Variants in FAM199X observed in about 807,000 individuals in gnomAD.
The protein encoded by FAM199X is protein FAM199X.
In FAM199X, 4 loss-of-function variants were observed where a neutral mutation model predicts 22.9. That is an observed-to-expected ratio of 0.17 (90% CI 0.09 to 0.40). The LOEUF (loss-of-function observed/expected upper bound fraction) is 0.40. Among genes scored for constraint, FAM199X ranks in the 10% least tolerant of loss-of-function variants. The probability of loss-of-function intolerance (pLI) is 1.00; values close to 1 mark genes in which losing one functional copy is unlikely to be tolerated. For synonymous variants in FAM199X, 101 were observed against 112.3 expected, an observed-to-expected ratio of 0.90 and a Z score of 0.64; for missense variants, 183 against 306.8, an observed-to-expected ratio of 0.60 and a Z score of 3.01.
rs1198868915 is a variant in FAM199X, at chrX:104,191,774, T to C, written c.*1996T>C. 8.9e-6 allele frequency: 1 copy of C among 111,835 alleles called. No homozygotes were observed. Among genetic ancestry groups the C allele is most frequent in the Non-Finnish European group, 1.9e-5 (1 of 53,049 alleles). 9.2% of individuals were successfully genotyped at this position (111,835 alleles called of 1,213,427 possible). A position where few individuals can be genotyped will look rare whatever the true frequency, so the allele number is the denominator to read the frequency against. On this transcript the variant is annotated 3_prime_UTR_variant, in exon 6 of 6. Coordinates refer to ENST00000493442, the MANE Select transcript of FAM199X (RefSeq NM_207318.4). ...TTGGAAACTATTTACTTAACGGTCA[T>C]CAGTAAAAAACCCTAAACAAGGTCA...
chrX:104,179,660 A>G (rs189944938), intron 2 of FAM199X, among the ~76,000 whole-genome samples: 1 of 111,683 alleles, frequency 9.0e-6, no homozygotes, highest in East Asian at 2.8e-4. Context: ...TGCCCTAGCT[A>G]GATCTCCTGT....
rs1341223831 is a variant in FAM199X at position 104,195,430 on chromosome X, G to C, written c.*5652G>C. Reference sequence around the variant, plus strand: ...CAAAACTTATTTTTTTTTCTGGACAGATCAGATTTCTAGAGAGAGCAGATT... The same window carrying C: ...CAAAACTTATTTTTTTTTCTGGACACATCAGATTTCTAGAGAGAGCAGATT... On this transcript the variant is annotated 3_prime_UTR_variant, in exon 6 of 6. Transcript: ENST00000493442. The C allele has an allele frequency of 9.0e-6, 1 of 111,367 alleles. No homozygotes were observed. The highest frequency in any genetic ancestry group is 3.3e-5 in the African/African-American group (1 of 30,666). 9.2% of individuals were successfully genotyped at this position (111,367 alleles called of 1,213,427 possible).
chrX:104,164,411 AAATACATGTCCT>A (rs1270660403), upstream of FAM199X, among the ~76,000 whole-genome samples: 9 of 112,253 alleles, frequency 8.0e-5, no homozygotes, highest in African/African-American at 2.6e-4. Context: ...AAATAAACTC[AAATACATGTCCT>A]AATCATGTGG....
At chrX:104,185,503 A>T (rs1315388569) in intron 2 of FAM199X, among the ~76,000 whole-genome samples, 1 of 112,398 alleles carries the variant, frequency 8.9e-6, no homozygotes, top group East Asian at 2.8e-4. Context: ...TTCATTGAAT[A>T]ACTATATGCA....
chrX:104,178,234 T>TCAGCTCA (rs1411507766), intron 2 of FAM199X, among the ~76,000 whole-genome samples: 9 of 110,834 alleles, frequency 8.1e-5, no homozygotes, highest in African/African-American at 3.0e-4. Context: ...TGACGCAATC[T>TCAGCTCA]CAGCTCACTG....
At chrX:104,158,391 A>G in the FAM199X span, among the ~76,000 whole-genome samples, 2 of 112,195 alleles carry the variant, frequency 1.8e-5, no homozygotes, top group Middle Eastern at 4.6e-3. Flanking sequence ...TTCCTATAGT[A>G]CTGAAGACCA....
chrX:104,185,032 TTGCAAAA>T (rs1921762880), intron 2 of FAM199X, among the ~76,000 whole-genome samples: 2 of 106,659 alleles, frequency 1.9e-5, no homozygotes, highest in Non-Finnish European at 3.9e-5. Flanking sequence ...CACCTCAGCC[TTGCAAAA>T]TGCTGGAATT....
Position 104,189,982 on chromosome X carries a change from G to A in FAM199X, c.*204G>A, listed in dbSNP as rs1014838072. The A allele has an allele frequency of 3.9e-5, 15 of 383,678 alleles. No homozygotes were observed. The highest frequency in any genetic ancestry group is 1.5e-4 in the South Asian group (3 of 19,903). The allele number at this position is 383,678 out of a possible 1,213,427, so 31.6% of individuals were successfully genotyped here. A position where few individuals can be genotyped will look rare whatever the true frequency, so the allele number is the denominator to read the frequency against. On this transcript the variant is annotated 3_prime_UTR_variant, in exon 6 of 6. Transcript: ENST00000493442. ...TTAGGAATGCATACTAGTGGGCCCCGCCCCCAGACATAGTGAATCAGAAAC... is the reference window on the plus strand; with the variant it reads ...TTAGGAATGCATACTAGTGGGCCCCACCCCCAGACATAGTGAATCAGAAAC...
rs1247032374 is a variant in FAM199X at position 104,195,263 on chromosome X, C to T, written c.*5485C>T. On this transcript the variant is annotated 3_prime_UTR_variant, in exon 6 of 6. Coordinates refer to ENST00000493442, the MANE Select transcript of FAM199X (RefSeq NM_207318.4). ...ACTCACTGCTGCTTACTACTTTATACTTCTGAGTCAGCTCCTTTCATGCTC... is the reference window on the plus strand; with the variant it reads ...ACTCACTGCTGCTTACTACTTTATATTTCTGAGTCAGCTCCTTTCATGCTC... 7 of 111,528 alleles carry T rather than the reference C, an allele frequency of 6.3e-5. No homozygotes were observed. Among genetic ancestry groups the T allele is most frequent in the African/African-American group, 2.3e-4 (7 of 30,777 alleles). 9.2% of individuals were successfully genotyped at this position (111,528 alleles called of 1,213,427 possible). A position where few individuals can be genotyped will look rare whatever the true frequency, so the allele number is the denominator to read the frequency against.
chrX:104,186,987 G>A (rs1921819919), intron 4 of FAM199X, among the ~76,000 whole-genome samples: 1 of 111,961 alleles, frequency 8.9e-6, no homozygotes, highest in Middle Eastern at 4.3e-3. Context: ...AAACAGCTGA[G>A]GGATTTGAGT....
chrX:104,171,547 A>G (rs1364451474), intron 1 of FAM199X, among the ~76,000 whole-genome samples: 3 of 112,307 alleles, frequency 2.7e-5, no homozygotes, highest in African/African-American at 9.7e-5. Flanking sequence ...ATTTTTATTT[A>G]AAAACTTATT....
chrX:104,179,802 G>T (rs1921597948), intron 2 of FAM199X, among the ~76,000 whole-genome samples: 1 of 110,453 alleles, frequency 9.1e-6, no homozygotes, highest in South Asian at 3.9e-4. Flanking sequence ...ATTCATAAGG[G>T]ATATTGGTCT....
At chrX:104,187,955 A>G in intron 4 of FAM199X, 85 bp from the exon 5 acceptor site, 1 of 1,079,281 alleles carries the variant, frequency 9.3e-7, no homozygotes. Context: ...CTTTTAGATT[A>G]AGTACAATAT....
rs1161508702 is a variant in FAM199X at position 104,193,104 on chromosome X, GTCAA to G, written c.*3328_*3331del. The G allele has an allele frequency of 5.4e-5, 6 of 111,102 alleles. No homozygotes were observed. Among genetic ancestry groups the G allele is most frequent in the Admixed American group, 4.8e-4 (5 of 10,377 alleles). 9.2% of individuals were successfully genotyped at this position (111,102 alleles called of 1,213,427 possible). A position where few individuals can be genotyped will look rare whatever the true frequency, so the allele number is the denominator to read the frequency against. The stretch of plus-strand genomic sequence containing the variant: ...TTAAAGGTGGTGAACTCTAGTTTTT[GTCAA>G]TATCAGGCTTTTCAAAACTCAAAAA... On this transcript the variant is annotated 3_prime_UTR_variant, in exon 6 of 6. Coordinates refer to ENST00000493442, the MANE Select transcript of FAM199X (RefSeq NM_207318.4).
At chrX:104,171,763 G>T (rs1178118183) in intron 1 of FAM199X, among the ~76,000 whole-genome samples, 1 of 111,866 alleles carries the variant, frequency 8.9e-6, no homozygotes, top group African/African-American at 3.2e-5. Flanking sequence ...ATGATTTTTA[G>T]TGATTATAAA....
intron 1 of FAM199X, among the ~76,000 whole-genome samples, chrX:104,173,980 T>C (rs1340596013): frequency 1.8e-5 from 2 of 112,132 alleles, no homozygotes; most frequent in African/African-American, 6.5e-5. Context: ...AAACTTGATA[T>C]AAAAATGTTT....
At chrX:104,175,128 GT>G (rs1772466940) in intron 1 of FAM199X, among the ~76,000 whole-genome samples, 1 of 112,308 alleles carries the variant, frequency 8.9e-6, no homozygotes, top group African/African-American at 3.2e-5. Flanking sequence ...CTTGGAGAGA[GT>G]GTTATTTGCT....
At chrX:104,159,493 T>C in the FAM199X span, among the ~76,000 whole-genome samples, 1 of 112,557 alleles carries the variant, frequency 8.9e-6, no homozygotes, top group Non-Finnish European at 1.9e-5. Flanking sequence ...CTAGCATCCT[T>C]AGTCGTACTC....
chrX:104,185,982 A>G, intron 2 of FAM199X, 84 bp from the exon 3 acceptor site: 1 of 942,593 alleles, frequency 1.1e-6, no homozygotes. Flanking sequence ...CTTTTAATCG[A>G]TGTGGAAAAT....
Sources: allele counts gnomAD v4.1 joint callset (sites outside exome capture counted in the v4.1 genomes callset), GRCh38; gene constraint gnomAD v4.1.1; transcripts MANE v1.5; gene names NCBI Gene and HGNC (gene_info 2026-07-23, HGNC 2026-07-21).